Variants in MYRIP observed in about 807,000 individuals in gnomAD.
MYRIP encodes the protein rab effector MyRIP.
A neutral mutation model predicts 98.0 loss-of-function variants in MYRIP; 49 were observed. That is an observed-to-expected ratio of 0.50 (90% confidence interval 0.40 to 0.63). MYRIP has a LOEUF of 0.63. Ranked by LOEUF, MYRIP falls within the 30% of genes least tolerant of loss-of-function variation. MYRIP has a pLI of 0.00. For missense variants in MYRIP, 1,004 were observed against 1,058.2 expected (o/e 0.95, Z 0.71); for synonymous variants, 404 against 409.5 (o/e 0.99, Z 0.16).
intron 3 of MYRIP, among the ~76,000 whole-genome samples, chr3:40,059,765 T>C (rs1947968052): frequency 1.3e-5 from 2 of 152,200 alleles, no homozygotes; most frequent in Admixed American, 6.5e-5. Flanking sequence ...ATCTCCTTTT[T>C]AGATACTGGT....
intron 11 of MYRIP, among the ~76,000 whole-genome samples, chr3:40,221,280 G>C (rs181809029): frequency 3.6e-4 from 55 of 152,150 alleles, no homozygotes; most frequent in African/African-American, 1.3e-3. Context: ...TTTATCATTT[G>C]CTCAATCAGT....
chr3:40,143,826 T>G (rs534926904), intron 3 of MYRIP, among the ~76,000 whole-genome samples: 15 of 152,354 alleles, frequency 9.8e-5, no homozygotes, highest in Non-Finnish European at 1.8e-4. Flanking sequence ...AAAAGTTTTC[T>G]GCTCTACAAA....
At chr3:40,220,082 C>T (rs577211599) in intron 11 of MYRIP, among the ~76,000 whole-genome samples, 2,815 of 151,556 alleles carry the variant, frequency 0.019, 33 homozygotes, top group Non-Finnish European at 0.03. Flanking sequence ...TCTCTGATGG[C>T]CAGTGATGAT....
intron 2 of MYRIP, among the ~76,000 whole-genome samples, chr3:39,915,875 T>A (rs941225182): frequency 7.2e-5 from 11 of 151,912 alleles, no homozygotes; most frequent in Non-Finnish European, 1.6e-4. Flanking sequence ...TTTTCTTTTA[T>A]AAGTTCCCAT....
Position 40,252,009 on chromosome 3 carries a change from A to T in MYRIP, c.2547+10A>T, listed in dbSNP as rs1001119163. Reference sequence around the variant, plus strand: ...CACCAAGGATTTGATGGTAAATGTCATCTCTGTCTTAATGTTCAACGCTTT... The same window carrying T: ...CACCAAGGATTTGATGGTAAATGTCTTCTCTGTCTTAATGTTCAACGCTTT... On this transcript the variant is annotated intron_variant, in intron 16 of 16. Coordinates refer to ENST00000302541, the MANE Select transcript of MYRIP (RefSeq NM_015460.4). The T allele has an allele frequency of 1.3e-6, 2 of 1,575,080 alleles. No individual in the cohort carries two copies. The highest frequency in any genetic ancestry group is 2.7e-5 in the African/African-American group (2 of 74,050).
At chr3:39,944,878 T>C (rs1944863561) in intron 2 of MYRIP, among the ~76,000 whole-genome samples, 1 of 152,104 alleles carries the variant, frequency 6.6e-6, no homozygotes, top group African/African-American at 2.4e-5. Flanking sequence ...ATTTTTACAT[T>C]TTCTGTCTAT....
intron 10 of MYRIP, among the ~76,000 whole-genome samples, chr3:40,199,071 G>A (rs2371179): frequency 0.87 from 132,861 of 152,128 alleles, 58,612 homozygotes; most frequent in Middle Eastern, 0.96. Flanking sequence ...AGTTACTAGA[G>A]GACAATAAAA....
At chr3:40,186,839 C>T (rs1951048188) in intron 9 of MYRIP, among the ~76,000 whole-genome samples, 1 of 152,168 alleles carries the variant, frequency 6.6e-6, no homozygotes, top group Non-Finnish European at 1.5e-5. Context: ...TCCTGAGAAA[C>T]CCTTACCACC....
chr3:39,857,958 A>C (rs375432126), intron 1 of MYRIP, among the ~76,000 whole-genome samples: 1 of 152,192 alleles, frequency 6.6e-6, no homozygotes, highest in African/African-American at 2.4e-5. Context: ...AAAGGCATGC[A>C]GCAAAAGAGA....
At chr3:40,242,087 G>A (rs1953034578) in intron 12 of MYRIP, 1 of 152,156 alleles carries the variant, frequency 6.6e-6, no homozygotes, top group African/African-American at 2.4e-5. Context: ...TCACTTCTAG[G>A]CTCCACCAGT....
chr3:40,201,829 G>C (rs1296246314), intron 10 of MYRIP, among the ~76,000 whole-genome samples: 2 of 152,172 alleles, frequency 1.3e-5, no homozygotes, highest in Non-Finnish European at 2.9e-5. Context: ...TTCACAGCAT[G>C]TGAATAAAAC....
chr3:39,850,870 A>G (rs1343486983), intron 1 of MYRIP, among the ~76,000 whole-genome samples: 2 of 152,212 alleles, frequency 1.3e-5, no homozygotes, highest in African/African-American at 4.8e-5. Context: ...CTGAAAGGGA[A>G]ATTCTCAGTG....
chr3:39,866,835 A>G (rs1319519438), intron 1 of MYRIP, among the ~76,000 whole-genome samples: 1 of 152,180 alleles, frequency 6.6e-6, no homozygotes, highest in African/African-American at 2.4e-5. Flanking sequence ...ACTTTTAAAC[A>G]TTTATATAGA....
intron 2 of MYRIP, among the ~76,000 whole-genome samples, chr3:39,934,742 TATCAGTATACAGCGAGGC>T (rs1216671378): frequency 2.6e-5 from 4 of 152,194 alleles, no homozygotes; most frequent in Admixed American, 6.5e-5. Context: ...TGAGAAACGT[TATCAGTATACAGCGAGGC>T]ATCCTGACAG....
intron 2 of MYRIP, among the ~76,000 whole-genome samples, chr3:40,031,239 C>T (rs561461732): frequency 1.3e-5 from 2 of 152,140 alleles, no homozygotes; most frequent in East Asian, 3.9e-4. Context: ...CCTGGAGTCC[C>T]ATATATAATG....
rs1340030657 is a variant in MYRIP at position 40,259,344 on chromosome 3, C to CCTGATATAGT, written c.*1183_*1192dup. On this transcript the variant is annotated 3_prime_UTR_variant, in exon 17 of 17. Transcript: ENST00000302541. ...TTAACAACCTTCTTTTATGTTTGTT[C>CCTGATATAGT]CTGATATAGTCTGAATCTTAGGAAG... The CCTGATATAGT allele has an allele frequency of 1.3e-5, 2 of 152,112 alleles. No individual in the cohort carries two copies. The highest frequency in any genetic ancestry group is 6.3e-3 in the Middle Eastern group (2 of 316). 9.4% of individuals were successfully genotyped at this position (152,112 alleles called of 1,614,324 possible).
intron 2 of MYRIP, among the ~76,000 whole-genome samples, chr3:39,983,121 A>G (rs1253430136): frequency 6.6e-6 from 1 of 152,242 alleles, no homozygotes. Context: ...GGCCAAATAT[A>G]AACTTGAAAT....
intron 12 of MYRIP, among the ~76,000 whole-genome samples, chr3:40,235,961 G>C (rs1291606294): frequency 6.6e-6 from 1 of 152,236 alleles, no homozygotes; most frequent in East Asian, 1.9e-4. Context: ...GGAGAAGACA[G>C]TGCTTACATT....
chr3:40,241,826 C>T (rs937258072), intron 12 of MYRIP, among the ~76,000 whole-genome samples: 1 of 152,118 alleles, frequency 6.6e-6, no homozygotes, highest in East Asian at 1.9e-4. Flanking sequence ...CAAGCAAGTC[C>T]AAGTGAATAT....
Sources: gnomAD v4.1 joint callset for allele counts (sites outside exome capture counted in the v4.1 genomes callset) on GRCh38, gnomAD v4.1.1 for gene constraint, MANE v1.5 for transcripts, NCBI Gene and HGNC (gene_info 2026-07-23, HGNC 2026-07-21) for gene names.